Variants in PTPRT observed in about 807,000 individuals in gnomAD.
PTPRT encodes receptor-type tyrosine-protein phosphatase T.
Under a neutral mutation model 176.8 loss-of-function variants are expected in PTPRT, and 56 were observed. That is an observed-to-expected ratio of 0.32 (90% confidence interval 0.26 to 0.40). The LOEUF is 0.40. PTPRT is among the 10% of genes least tolerant of loss of function. The pLI, the probability that PTPRT is intolerant of heterozygous loss-of-function variation, is 1.00. For synonymous variants in PTPRT, 783 were observed against 739.0 expected (o/e 1.06, Z -0.96); for missense variants, 1,540 against 1,908.2 (o/e 0.81, Z 3.60).
At chr20:42,740,112 G>A (rs2076586726) in intron 6 of PTPRT, among the ~76,000 whole-genome samples, 1 of 152,172 alleles carries the variant, frequency 6.6e-6, no homozygotes, top group African/African-American at 2.4e-5. Context: ...CTTCAGACAT[G>A]GGGAGACATA....
At chr20:42,463,095 C>A (rs907772005) in intron 8 of PTPRT, among the ~76,000 whole-genome samples, 2 of 152,150 alleles carry the variant, frequency 1.3e-5, no homozygotes, top group East Asian at 3.9e-4. Context: ...AAGTAAGAGG[C>A]TCTTTCCACC....
intron 6 of PTPRT, among the ~76,000 whole-genome samples, chr20:42,715,041 G>C (rs943455724): frequency 6.6e-6 from 1 of 152,208 alleles, no homozygotes; most frequent in Non-Finnish European, 1.5e-5. Context: ...GCTTCAGAAA[G>C]AGCAGGTTAT....
At chr20:42,326,837 G>T (rs963124672) in intron 11 of PTPRT, among the ~76,000 whole-genome samples, 1 of 151,830 alleles carries the variant, frequency 6.6e-6, no homozygotes, top group Non-Finnish European at 1.5e-5. Flanking sequence ...AAAGCAAATT[G>T]TATAAAATAT....
chr20:42,471,926 G>T (rs1228450362), intron 8 of PTPRT, among the ~76,000 whole-genome samples: 1 of 152,100 alleles, frequency 6.6e-6, no homozygotes, highest in Non-Finnish European at 1.5e-5. Context: ...AAAGTGCTAG[G>T]ATTACAGGCA....
At chr20:42,837,346 G>A (rs1229081462) in intron 2 of PTPRT, among the ~76,000 whole-genome samples, 3 of 152,174 alleles carry the variant, frequency 2.0e-5, no homozygotes, top group African/African-American at 7.2e-5. Flanking sequence ...ATGGTCTTCT[G>A]CTGGGAAAGC....
chr20:42,268,464 C>G (rs977219465), intron 13 of PTPRT, among the ~76,000 whole-genome samples: 1 of 152,132 alleles, frequency 6.6e-6, no homozygotes, highest in Non-Finnish European at 1.5e-5. Flanking sequence ...TATTGTTTCT[C>G]TGTAAATTGG....
chr20:43,111,619 G>T (rs1242759284), intron 1 of PTPRT, among the ~76,000 whole-genome samples: 1 of 148,480 alleles, frequency 6.7e-6, no homozygotes, highest in Non-Finnish European at 1.5e-5. Context: ...CTTCTCTAAG[G>T]CTCTGGGTTC....
At chr20:42,174,214 A>G (rs2146555831) in intron 16 of PTPRT, among the ~76,000 whole-genome samples, 1 of 152,302 alleles carries the variant, frequency 6.6e-6, no homozygotes, top group Admixed American at 6.5e-5. Context: ...ACTTAGAAGA[A>G]CATGTCTTGG....
intron 1 of PTPRT, among the ~76,000 whole-genome samples, chr20:43,023,132 G>A (rs1985769857): frequency 6.6e-6 from 1 of 152,188 alleles, no homozygotes; most frequent in South Asian, 2.1e-4. Context: ...ATGAATCTGT[G>A]CTTGATGATT....
At chr20:42,280,478 G>C (rs928807644) in intron 13 of PTPRT, among the ~76,000 whole-genome samples, 1 of 152,126 alleles carries the variant, frequency 6.6e-6, no homozygotes, top group Non-Finnish European at 1.5e-5. Context: ...GAATGCGGAT[G>C]CTCTGATTTC....
At chr20:42,307,615 GA>G (rs1406932453) in intron 12 of PTPRT, among the ~76,000 whole-genome samples, 1 of 152,048 alleles carries the variant, frequency 6.6e-6, no homozygotes, top group Admixed American at 6.6e-5. Context: ...ACTAACACGA[GA>G]AATAAGAAAT....
rs114763681 is a variant in PTPRT at position 42,563,937 on chromosome 20, G to C, written c.1154-91375C>G. On this transcript the variant is annotated intron_variant, in intron 7 of 30. Coordinates refer to ENST00000373187, the MANE Select transcript of PTPRT (RefSeq NM_007050.6). ...CTGCAGGGTGGCTCTGCTTCACTTT[G>C]TCATTGAAAAGCCCAGGCTCCTTCT... Among the ~76,000 whole-genome samples, 764 of 152,286 alleles carry C rather than the reference G, an allele frequency of 5.0e-3. 6 individuals carry two copies. Among genetic ancestry groups the C allele is most frequent in the African/African-American group, 0.017 (690 of 41,564 alleles).
intron 12 of PTPRT, among the ~76,000 whole-genome samples, chr20:42,297,216 C>A (rs1332455359): frequency 1.3e-5 from 2 of 152,000 alleles, no homozygotes; most frequent in Non-Finnish European, 2.9e-5. Flanking sequence ...TCTATGCCCC[C>A]AAAAACATAA....
intron 6 of PTPRT, among the ~76,000 whole-genome samples, chr20:42,690,567 C>A (rs922017749): frequency 6.6e-6 from 1 of 152,170 alleles, no homozygotes; most frequent in African/African-American, 2.4e-5. Context: ...TCCCCTTGAC[C>A]TCCACAATGC....
intron 7 of PTPRT, among the ~76,000 whole-genome samples, chr20:42,575,698 T>C (rs1325964953): frequency 6.6e-6 from 1 of 152,140 alleles, no homozygotes; most frequent in Non-Finnish European, 1.5e-5. Context: ...CACTAGGCAG[T>C]GGGCCACATT....
intron 1 of PTPRT, among the ~76,000 whole-genome samples, chr20:43,095,203 G>A (rs1244238471): frequency 1.3e-5 from 2 of 152,102 alleles, no homozygotes; most frequent in Admixed American, 6.5e-5. Context: ...CCAGACTCTG[G>A]TTCCTGAGTG....
chr20:42,956,949 C>T (rs147178603), intron 1 of PTPRT, among the ~76,000 whole-genome samples: 12 of 152,280 alleles, frequency 7.9e-5, no homozygotes, highest in South Asian at 6.2e-4. Context: ...ACCACCCCAG[C>T]GCCCAAGTCA....
At chr20:42,350,903 C>T (rs1029347923) in intron 10 of PTPRT, among the ~76,000 whole-genome samples, 173 bp from the exon 11 acceptor site, 1 of 152,190 alleles carries the variant, frequency 6.6e-6, no homozygotes, top group African/African-American at 2.4e-5. Flanking sequence ...GATGCCCAAC[C>T]TGCCCATAGT....
chr20:42,733,910 GA>G (rs1234466489), intron 6 of PTPRT, among the ~76,000 whole-genome samples: 1 of 152,182 alleles, frequency 6.6e-6, no homozygotes, highest in Non-Finnish European at 1.5e-5. Context: ...ATGTGGGCAG[GA>G]AAAGGCCTTG....
Sources: gnomAD v4.1 joint callset for allele counts (sites outside exome capture counted in the v4.1 genomes callset) on GRCh38, gnomAD v4.1.1 for gene constraint, MANE v1.5 for transcripts, NCBI Gene and HGNC (gene_info 2026-07-23, HGNC 2026-07-21) for gene names.